The following PACRG variants were observed in gnomAD, a reference collection of about 807,000 sequenced individuals.
PACRG encodes the protein parkin coregulated gene protein.
PACRG carries 29 observed loss-of-function variants against 29.7 expected under a neutral mutation model. That is an observed-to-expected ratio of 0.98 (90% confidence interval 0.73 to 1.33). PACRG has a LOEUF of 1.33. PACRG is among the 40% of genes most tolerant of loss of function. PACRG has a pLI of 0.00. For missense variants in PACRG, 279 were observed against 316.2 expected, an observed-to-expected ratio of 0.88 and a Z score of 0.89; for synonymous variants, 116 against 118.7, an observed-to-expected ratio of 0.98 and a Z score of 0.15.
intron 4 of PACRG, among the ~76,000 whole-genome samples, chr6:163,261,081 A>C (rs946901229): frequency 6.6e-6 from 1 of 151,976 alleles, no homozygotes; most frequent in Non-Finnish European, 1.5e-5. Flanking sequence ...ATGCAAAAAA[A>C]ATGTTGTTTT....
At chr6:162,870,990 A>G (rs1022287743) in intron 2 of PACRG, among the ~76,000 whole-genome samples, 2 of 152,188 alleles carry the variant, frequency 1.3e-5, no homozygotes, top group Non-Finnish European at 2.9e-5. Flanking sequence ...CTGTGGTATC[A>G]TAGAATGTTA....
intron 4 of PACRG, among the ~76,000 whole-genome samples, chr6:163,243,120 C>T (rs1204143800): frequency 1.3e-5 from 2 of 152,206 alleles, no homozygotes; most frequent in Admixed American, 6.5e-5. Context: ...GTAAGCAAGG[C>T]GTGGTCCAGG....
At chr6:162,793,711 T>C (rs1785141150) in intron 1 of PACRG, among the ~76,000 whole-genome samples, 1 of 152,248 alleles carries the variant, frequency 6.6e-6, no homozygotes, top group South Asian at 2.1e-4. Context: ...TAGTCAAAAA[T>C]GTACAATTTG....
intron 4 of PACRG, among the ~76,000 whole-genome samples, chr6:163,173,117 G>A (rs1585294087): frequency 6.6e-6 from 1 of 152,316 alleles, no homozygotes; most frequent in Middle Eastern, 3.4e-3. Context: ...ATACACACAC[G>A]TTAGGAAATA....
intron 4 of PACRG, among the ~76,000 whole-genome samples, chr6:163,122,483 T>C (rs981015628): frequency 2.6e-5 from 4 of 152,202 alleles, no homozygotes; most frequent in African/African-American, 9.6e-5. Flanking sequence ...CCCATGGTAA[T>C]GGGTGAGTTC....
intron 1 of PACRG, among the ~76,000 whole-genome samples, chr6:162,795,079 T>C (rs1341510475): frequency 6.6e-6 from 1 of 151,414 alleles, no homozygotes; most frequent in African/African-American, 2.4e-5. Flanking sequence ...AGAGATGAGG[T>C]AATGAAACAG....
At position 162,728,114 on chromosome 6, in the gene PACRG, G is replaced by C; in HGVS notation, c.-122G>C. The C allele has an allele frequency of 8.4e-7, 1 of 1,185,256 alleles. No homozygotes were observed. Among genetic ancestry groups the C allele is most frequent in the South Asian group, 1.4e-5 (1 of 69,374 alleles). The allele number at this position is 1,185,256 out of a possible 1,614,324, so 73.4% of individuals were successfully genotyped here. The stretch of plus-strand genomic sequence containing the variant: ...TCTGGATCAACCTGGGCACTACGAG[G>C]GGTTGAATTTCTACCATTATCGCGC... On this transcript the variant is annotated 5_prime_UTR_variant, in exon 1 of 5. Transcript: ENST00000366888.
intron 1 of PACRG, among the ~76,000 whole-genome samples, chr6:162,762,999 C>A (rs1365242468): frequency 6.6e-6 from 1 of 152,158 alleles, no homozygotes; most frequent in Non-Finnish European, 1.5e-5. Flanking sequence ...CTCAAATGCA[C>A]GTGGGTTATG....
At chr6:162,845,634 C>G (rs917487130) in intron 2 of PACRG, among the ~76,000 whole-genome samples, 3 of 152,118 alleles carry the variant, frequency 2.0e-5, no homozygotes, top group African/African-American at 7.2e-5. Flanking sequence ...TTTAATATTT[C>G]TAACACCACA....
chr6:163,000,107 G>A (rs1442777298), intron 2 of PACRG, among the ~76,000 whole-genome samples: 2 of 152,076 alleles, frequency 1.3e-5, no homozygotes, highest in Non-Finnish European at 2.9e-5. Context: ...CCTTGTCCTG[G>A]GTTACACATC....
chr6:162,742,525 G>A (rs1413581812), intron 1 of PACRG, among the ~76,000 whole-genome samples: 2 of 152,106 alleles, frequency 1.3e-5, no homozygotes, highest in African/African-American at 4.8e-5. Flanking sequence ...TGTGGTATTT[G>A]TCTTTCTGTG....
At chr6:162,833,046 T>C (rs896163379) in intron 2 of PACRG, among the ~76,000 whole-genome samples, 9 of 152,170 alleles carry the variant, frequency 5.9e-5, no homozygotes, top group Admixed American at 4.6e-4. Context: ...TAAATTTCTT[T>C]TACTAGACCT....
chr6:163,223,209 T>C (rs1013908714), intron 4 of PACRG, among the ~76,000 whole-genome samples: 8 of 151,854 alleles, frequency 5.3e-5, no homozygotes, highest in African/African-American at 1.9e-4. Flanking sequence ...GCTTGGCCAA[T>C]GTGGTGAAAC....
At position 163,113,516 on chromosome 6, in the gene PACRG, T is replaced by G. The variant is rs538739653; in HGVS notation, c.613+24108T>G. ...AGTGAGAGAAAAAGGACTCATCACG[T>G]ATACAGAATACTCCAAAGATTAACA... On this transcript the variant is annotated intron_variant, in intron 4 of 4. Coordinates refer to ENST00000366888, the MANE Select transcript of PACRG (RefSeq NM_001080379.2). 2.6e-5 allele frequency among the ~76,000 whole-genome samples: 4 copies of G among 152,234 alleles called. No individual in the cohort carries two copies. In the South Asian group the frequency reaches 8.3e-4, roughly 32 times the overall value.
At chr6:163,078,994 T>C (rs1456552706) in intron 3 of PACRG, among the ~76,000 whole-genome samples, 1 of 151,986 alleles carries the variant, frequency 6.6e-6, no homozygotes, top group South Asian at 2.1e-4. Context: ...GTGAGGGGCC[T>C]GAGCATGCTG....
chr6:162,982,479 T>C (rs1802519966), intron 2 of PACRG, among the ~76,000 whole-genome samples: 2 of 152,020 alleles, frequency 1.3e-5, no homozygotes, highest in Admixed American at 1.3e-4. Flanking sequence ...TTGCTGTATC[T>C]CAGTGGTTTT....
Position 163,120,160 on chromosome 6 carries a change from AATAAG to A in PACRG, c.613+30759_613+30763del, listed in dbSNP as rs1455741848. ...TGTGGCTCTAGGATGAATTATATGA[AATAAG>A]ATAAGAGGGAAAGCTATAGTGGGTC... is the stretch of plus-strand genomic sequence containing the variant. On this transcript the variant is annotated intron_variant, in intron 4 of 4. Transcript: ENST00000366888. Among the ~76,000 whole-genome samples, 9 of 152,258 alleles carry A rather than the reference AATAAG, an allele frequency of 5.9e-5. No homozygotes were observed. In the South Asian group the frequency reaches 1.7e-3, roughly 28 times the overall value.
intron 2 of PACRG, among the ~76,000 whole-genome samples, chr6:162,859,461 G>A (rs749490385): frequency 2.6e-5 from 4 of 152,108 alleles, no homozygotes; most frequent in Non-Finnish European, 5.9e-5. Flanking sequence ...ACGTTTAACT[G>A]AGGAGTATCA....
At chr6:162,849,910 T>C (rs1262374517) in intron 2 of PACRG, among the ~76,000 whole-genome samples, 1 of 152,180 alleles carries the variant, frequency 6.6e-6, no homozygotes, top group African/African-American at 2.4e-5. Flanking sequence ...TAATATATTG[T>C]TTTTTATAAC....
Sources: gnomAD v4.1 joint callset for allele counts (sites outside exome capture counted in the v4.1 genomes callset) on GRCh38, gnomAD v4.1.1 for gene constraint, MANE v1.5 for transcripts, NCBI Gene and HGNC (gene_info 2026-07-23, HGNC 2026-07-21) for gene names.